The following THOC7 variants were observed in gnomAD, a reference collection of about 807,000 sequenced individuals.
The protein encoded by THOC7 is NIF3L1-binding protein 1.
A neutral mutation model predicts 33.1 loss-of-function variants in THOC7; 22 were observed. The observed-to-expected ratio is 0.66, with a 90% CI of 0.47 to 0.95. The LOEUF (loss-of-function observed/expected upper bound fraction) is 0.95, where lower values mean the gene tolerates loss of function less well. THOC7 is among the 40% of genes least tolerant of loss of function. THOC7 has a pLI of 0.00. For synonymous variants in THOC7, 77 were observed against 76.8 expected (o/e 1.00, Z -0.01); for missense variants, 184 against 245.3 (o/e 0.75, Z 1.67).
chr3:63,835,482 T>TAAAA, intron 5 of THOC7, 92 bp from the exon 6 acceptor site: 1 of 1,184,864 alleles, frequency 8.4e-7, no homozygotes, highest in Admixed American at 2.3e-5. Flanking sequence ...ATAGGATTTT[T>TAAAA]AAAATAAAAA....
intron 1 of THOC7, among the ~76,000 whole-genome samples, chr3:63,842,724 GA>G (rs920382677): frequency 3.3e-5 from 5 of 150,268 alleles, no homozygotes; most frequent in African/African-American, 9.8e-5. Flanking sequence ...AGGGGTGAGG[GA>G]AAAAAAAACT....
chr3:63,863,823 C>T, upstream of THOC7: 1 of 1,221,272 alleles, frequency 8.2e-7, no homozygotes, highest in South Asian at 3.9e-5. Context: ...GCGGCGGCGG[C>T]GCAAGCTGAG....
At chr3:63,838,624 T>A in intron 2 of THOC7, 125 bp from the exon 3 acceptor site, 1 of 958,502 alleles carries the variant, frequency 1.0e-6, no homozygotes, top group Non-Finnish European at 1.5e-6. Flanking sequence ...TTTGCTTATT[T>A]AAAATTTAGA....
intron 1 of THOC7, chr3:63,854,844 T>TA (rs34840218): frequency 6.6e-6 from 1 of 151,824 alleles, no homozygotes; most frequent in Non-Finnish European, 1.5e-5. Context: ...CCGTCTCTAC[T>TA]AAAAATACAA....
At position 63,863,755 on chromosome 3, in the gene THOC7, G is replaced by T. The variant is rs1367084215; in HGVS notation, c.19+17C>A. 5 of 1,250,220 alleles carry T rather than the reference G, an allele frequency of 4.0e-6. No individual in the cohort carries two copies. Among genetic ancestry groups the T allele is most frequent in the Non-Finnish European group, 5.0e-6 (5 of 1,003,846 alleles). 77.4% of individuals were successfully genotyped at this position (1,250,220 alleles called of 1,614,324 possible). Reference sequence around the variant, plus strand: ...GGGCCGTGCAGCGGGCGCGTGTGGCGGCGAGCGGGGCCTCACCGTCAGTCA... The same window carrying T: ...GGGCCGTGCAGCGGGCGCGTGTGGCTGCGAGCGGGGCCTCACCGTCAGTCA... On this transcript the variant is annotated intron_variant, in intron 1 of 7. Transcript: ENST00000295899.
chr3:63,854,008 A>G (rs1177452390), intron 1 of THOC7, among the ~76,000 whole-genome samples: 1 of 152,202 alleles, frequency 6.6e-6, no homozygotes, highest in Non-Finnish European at 1.5e-5. Flanking sequence ...GTAGATACAT[A>G]TTAGGCATTT....
rs1258934799 is a variant in THOC7, at chr3:63,837,970, C to G, written c.352+6G>C. 3.7e-6 allele frequency: 6 copies of G among 1,606,122 alleles called. No individual in the cohort carries two copies. In the African/African-American group the frequency reaches 4.0e-5, roughly 11 times the overall value. ...ATTTGCACATTAAATCCCTCAAAACCCTTACCTTGGCGATTTTTTCGTATT... is the reference window on the plus strand; with the variant it reads ...ATTTGCACATTAAATCCCTCAAAACGCTTACCTTGGCGATTTTTTCGTATT... On this transcript the variant is annotated splice_donor_region_variant and intron_variant, in intron 4 of 7. Coordinates refer to ENST00000295899, the MANE Select transcript of THOC7 (RefSeq NM_025075.4).
At chr3:63,852,142 A>G (rs1253975440) in intron 1 of THOC7, among the ~76,000 whole-genome samples, 1 of 152,168 alleles carries the variant, frequency 6.6e-6, no homozygotes, top group African/African-American at 2.4e-5. Context: ...CATCTACATG[A>G]CGCTAATTCT....
intron 3 of THOC7, 98 bp downstream of exon 3, chr3:63,838,274 T>A: frequency 1.0e-6 from 1 of 992,676 alleles, no homozygotes; most frequent in East Asian, 2.7e-5. Context: ...ACAGTAATTG[T>A]TATTATTCTT....
At chr3:63,839,524 C>T (rs922584925) in intron 2 of THOC7, 132 bp downstream of exon 2, 4 of 781,820 alleles carry the variant, frequency 5.1e-6, no homozygotes, top group African/African-American at 1.7e-5. Flanking sequence ...AAAATCTACT[C>T]TTGGTTAATT....
chr3:63,836,464 T>C, intron 4 of THOC7, 106 bp from the exon 5 acceptor site: 1 of 1,017,290 alleles, frequency 9.8e-7, no homozygotes. Flanking sequence ...TCCTAGTACA[T>C]CAAGAAATGA....
At chr3:63,850,962 T>A (rs963315147) in intron 1 of THOC7, among the ~76,000 whole-genome samples, 4 of 152,230 alleles carry the variant, frequency 2.6e-5, no homozygotes, top group Non-Finnish European at 4.4e-5. Context: ...GCAACTGATA[T>A]TTCTTGTTGC....
intron 1 of THOC7, among the ~76,000 whole-genome samples, chr3:63,841,934 T>C (rs1026495345): frequency 5.9e-5 from 9 of 152,126 alleles, no homozygotes; most frequent in African/African-American, 2.2e-4. Flanking sequence ...GAAATACCAT[T>C]TTTTTTGCTA....
At chr3:63,839,542 G>T in intron 2 of THOC7, 114 bp downstream of exon 2, 1 of 853,436 alleles carries the variant, frequency 1.2e-6, no homozygotes, top group South Asian at 1.4e-5. Context: ...ATTAAGAGTT[G>T]ACTCCACTGT....
chr3:63,846,247 T>C (rs1175998532), intron 1 of THOC7: 3 of 448,216 alleles, frequency 6.7e-6, no homozygotes, highest in Admixed American at 4.8e-5. Flanking sequence ...AGTTTCCTTA[T>C]AAGAGAATCG....
At position 63,833,928 on chromosome 3, in the gene THOC7, T is replaced by C; in HGVS notation, c.*204A>G. On this transcript the variant is annotated 3_prime_UTR_variant, in exon 8 of 8. Transcript: ENST00000295899. ...GATGTTGCTTCCTACCACTTAAGAA[T>C]AAAAAATGCATTTTAATAAAAACAA... is the stretch of plus-strand genomic sequence containing the variant. 1 of 486,654 alleles carries C rather than the reference T, an allele frequency of 2.1e-6. No homozygotes were observed. Among genetic ancestry groups the C allele is most frequent in the Non-Finnish European group, 3.6e-6 (1 of 281,260 alleles). 30.1% of individuals were successfully genotyped at this position (486,654 alleles called of 1,614,324 possible).
At chr3:63,835,517 C>G (rs982407018) in intron 5 of THOC7, 127 bp from the exon 6 acceptor site, 1 of 694,120 alleles carries the variant, frequency 1.4e-6, no homozygotes, top group African/African-American at 1.8e-5. Flanking sequence ...AGTTATAACA[C>G]TCCATTATGG....
At chr3:63,837,912 A>C (rs1438334568) in intron 4 of THOC7, 64 bp downstream of exon 4, 19 of 1,460,918 alleles carry the variant, frequency 1.3e-5, no homozygotes, top group African/African-American at 2.9e-5. Flanking sequence ...ACAACATTAA[A>C]AACTGCATGA....
At chr3:63,863,972 C>T, upstream of THOC7, 1 of 95,640 alleles carries the variant, frequency 1.0e-5, no homozygotes, top group Non-Finnish European at 2.3e-5. Context: ...GCCGCCGCCG[C>T]CGCCGCGGGA....
Sources: gnomAD v4.1 joint callset for allele counts (sites outside exome capture counted in the v4.1 genomes callset) on GRCh38, gnomAD v4.1.1 for gene constraint, MANE v1.5 for transcripts, NCBI Gene and HGNC (gene_info 2026-07-23, HGNC 2026-07-21) for gene names.